Variants in FRMPD2 observed in about 807,000 individuals in gnomAD.
FRMPD2 encodes the protein FERM and PDZ domain-containing protein 2.
Under a neutral mutation model 140.1 loss-of-function variants are expected in FRMPD2, and 96 were observed. The ratio of observed to expected loss-of-function variants is 0.69; its 90% CI spans 0.58 to 0.81. The LOEUF is 0.81. Ranked by LOEUF, FRMPD2 falls within the 40% of genes least tolerant of loss-of-function variation. FRMPD2 has a pLI of 0.00. For synonymous variants in FRMPD2, 449 were observed against 547.6 expected (o/e 0.82, Z 2.52); for missense variants, 1,240 against 1,447.4 (o/e 0.86, Z 2.32).
In FRMPD2 at chr10:48,185,658, T is replaced by C; in HGVS notation, c.2267-13A>G. The C allele has an allele frequency of 6.3e-7, 1 of 1,599,240 alleles. No individual in the cohort carries two copies. Among genetic ancestry groups the C allele is most frequent in the African/African-American group, 1.3e-5 (1 of 74,768 alleles). On this transcript the variant is annotated splice_polypyrimidine_tract_variant and intron_variant, in intron 17 of 28. Coordinates refer to ENST00000374201, the MANE Select transcript of FRMPD2 (RefSeq NM_001018071.4). The stretch of plus-strand genomic sequence containing the variant: ...TTATTCTTTGAGCCTAGAGGTAGAA[T>C]CAGAGCACCACATTGTGCTTTTCCC...
intron 16 of FRMPD2, among the ~76,000 whole-genome samples, chr10:48,188,633 G>T (rs147524308): frequency 6.6e-6 from 1 of 152,234 alleles, no homozygotes; most frequent in African/African-American, 2.4e-5. Context: ...CCAGGGAGAG[G>T]CTGCGACAGG....
chr10:48,242,854 C>A (rs575262175), intron 4 of FRMPD2, among the ~76,000 whole-genome samples: 3 of 152,194 alleles, frequency 2.0e-5, no homozygotes, highest in Non-Finnish European at 4.4e-5. Context: ...AATGCTCAAT[C>A]GTTGTTGGTT....
chr10:48,251,976 C>T (rs1840393307), intron 1 of FRMPD2, among the ~76,000 whole-genome samples: 1 of 152,182 alleles, frequency 6.6e-6, no homozygotes, highest in African/African-American at 2.4e-5. Flanking sequence ...AATAAATGAA[C>T]AACCAAATGA....
chr10:48,184,755 G>A lies in FRMPD2; in HGVS notation c.2467+19C>T. 2 of 1,599,146 alleles carry A rather than the reference G, an allele frequency of 1.3e-6. No homozygotes were observed. Reference sequence around the variant, plus strand: ...GTGGTTTCTTAAAACAGCATCTCTAGTAATTTAAAAAGATGTACCTGGTTT... The same window carrying A: ...GTGGTTTCTTAAAACAGCATCTCTAATAATTTAAAAAGATGTACCTGGTTT... On this transcript the variant is annotated intron_variant, in intron 19 of 28. Transcript: ENST00000374201.
At position 48,201,314 on chromosome 10, in the gene FRMPD2, G is replaced by C. The variant is rs1311249953; in HGVS notation, c.1868C>G (p.Thr623Ser). 2.5e-6 allele frequency: 4 copies of C among 1,613,786 alleles called. No individual in the cohort carries two copies. In the Admixed American group the frequency reaches 6.7e-5, roughly 27 times the overall value. ...GCAGAGGTCCAGTAAGTATTTACTG[G>C]TCTTGGCTGAATCTGTGACAAATGT... The part of the protein sequence containing the change: ...KHTFVTDSAK[T>S]SKYLLDLCSA... Residue 623 changes from threonine (T) to serine (S), a missense_variant, in exon 15 of 29, where the codon ACC becomes AGC. This residue lies in a region of FRMPD2 where 1,161 missense variants were observed against 1,055.9 expected (regional missense o/e 1.10). Coordinates refer to ENST00000374201, the MANE Select transcript of FRMPD2 (RefSeq NM_001018071.4).
chr10:48,253,214 GA>G (rs1448332098), intron 1 of FRMPD2, among the ~76,000 whole-genome samples: 9 of 152,154 alleles, frequency 5.9e-5, no homozygotes, highest in Admixed American at 5.9e-4. Context: ...ATGGAGGGAG[GA>G]CAAACTTTTC....
At chr10:48,273,711 C>CCT (rs1840807382) in intron 1 of FRMPD2, among the ~76,000 whole-genome samples, 1 of 152,144 alleles carries the variant, frequency 6.6e-6, no homozygotes, top group Non-Finnish European at 1.5e-5. Context: ...CCTGGAAGAT[C>CCT]CTCTGGGCTG....
intron 15 of FRMPD2, among the ~76,000 whole-genome samples, chr10:48,200,282 T>C (rs1256204052): frequency 6.6e-6 from 1 of 152,124 alleles, no homozygotes; most frequent in African/African-American, 2.4e-5. Flanking sequence ...TGTTTAACAT[T>C]GGGACTTGCA....
chr10:48,242,181 C>G lies in FRMPD2; in HGVS notation c.547G>C (p.Val183Leu). Residue 183 changes from valine to leucine, a missense_variant, in exon 5 of 29, where the codon GTT (valine) becomes CTT (leucine). By Grantham distance (32) the Val-to-Leu change is conservative (BLOSUM62 1). Coordinates refer to ENST00000374201, the MANE Select transcript of FRMPD2 (RefSeq NM_001018071.4). Reference protein sequence around the residue: ...GLHIRRLVGLVLGTISEVEKR... With the variant: ...GLHIRRLVGLLLGTISEVEKR... ...CTGACCTCAGAAATGGTACCCAGAA[C>G]CAAGCCAACCAGCCTTCTGATGTGG... 12 of 1,613,250 alleles carry G rather than the reference C, an allele frequency of 7.4e-6. No homozygotes were observed. Among genetic ancestry groups the G allele is most frequent in the Non-Finnish European group, 1.0e-5 (12 of 1,179,474 alleles).
intron 10 of FRMPD2, among the ~76,000 whole-genome samples, chr10:48,223,589 C>G (rs1013592945): frequency 1.3e-5 from 2 of 152,132 alleles, no homozygotes; most frequent in African/African-American, 4.8e-5. Flanking sequence ...AAATGGAAAA[C>G]CAAGGAAAGG....
At chr10:48,253,690 C>T (rs926782796) in intron 1 of FRMPD2, among the ~76,000 whole-genome samples, 4 of 152,004 alleles carry the variant, frequency 2.6e-5, no homozygotes, top group Admixed American at 1.3e-4. Context: ...CCCTTCCCTC[C>T]GAGAAATCCT....
At position 48,249,973 on chromosome 10, in the gene FRMPD2, G is replaced by A. The variant is rs1588854567; in HGVS notation, c.152-795C>T. 3.3e-5 allele frequency among the ~76,000 whole-genome samples: 5 copies of A among 152,316 alleles called. No homozygotes were observed. In the South Asian group the frequency reaches 1.0e-3, roughly 32 times the overall value. ...CACAGTTTCTGGAGTTAGTGCAAGT[G>A]TGAGGCCACCTGGAGGTTGGGCTCT... On this transcript the variant is annotated intron_variant, in intron 2 of 28. Transcript: ENST00000374201.
chr10:48,222,126 G>GTGGATGGATGGATGGA (rs148237970), intron 12 of FRMPD2, among the ~76,000 whole-genome samples, 187 bp downstream of exon 12: 7 of 144,126 alleles, frequency 4.9e-5, no homozygotes, highest in Admixed American at 2.7e-4. Flanking sequence ...CAATGAATAG[G>GTGGATGGATGGATGGA]TGGATGGATG....
intron 16 of FRMPD2, among the ~76,000 whole-genome samples, chr10:48,188,425 C>T (rs1047772582): frequency 6.6e-6 from 1 of 152,206 alleles, no homozygotes; most frequent in African/African-American, 2.4e-5. Flanking sequence ...AGGCCTCACT[C>T]TGACTTGGCT....
In FRMPD2 at chr10:48,156,660, G is replaced by A. The variant is rs1308117120; in HGVS notation, c.*662C>T. ...ATAGAAGCAGCTGGAGCACCTTACC[G>A]AGCTCAGGAGACCGGGGGGATGGGG... On this transcript the variant is annotated 3_prime_UTR_variant, in exon 29 of 29. Coordinates refer to ENST00000374201, the MANE Select transcript of FRMPD2 (RefSeq NM_001018071.4). The A allele has an allele frequency of 4.7e-5, 8 of 169,996 alleles. No individual in the cohort carries two copies. The highest frequency in any genetic ancestry group is 1.5e-4 in the African/African-American group (6 of 40,030). 10.5% of individuals were successfully genotyped at this position (169,996 alleles called of 1,614,324 possible). A position where few individuals can be genotyped will look rare whatever the true frequency, so the allele number is the denominator to read the frequency against.
At chr10:48,238,608 G>A (rs912760928) in intron 7 of FRMPD2, among the ~76,000 whole-genome samples, 1 of 152,218 alleles carries the variant, frequency 6.6e-6, no homozygotes, top group African/African-American at 2.4e-5. Context: ...TATCCAATCA[G>A]GGCGTCAGCT....
In FRMPD2 at chr10:48,251,686, T is replaced by A; in HGVS notation, c.31A>T (p.Ser11Cys). MQPLTKDAGMSLSSVTLASAL... is the reference protein window; with the variant it reads MQPLTKDAGMCLSSVTLASAL... ...CTGGCCAGCGTCACAGAGGACAGGC[T>A]CATGCCTACAATAAAGACATGCATG... Residue 11 changes from serine (S) to cysteine (C), a missense_variant, in exon 2 of 29, where the codon AGC becomes TGC. Physicochemically the swap from Ser to Cys is moderately radical, Grantham distance 112. Transcript: ENST00000374201. 6 of 1,614,154 alleles carry A rather than the reference T, an allele frequency of 3.7e-6. No homozygotes were observed. The highest frequency in any genetic ancestry group is 5.1e-6 in the Non-Finnish European group (6 of 1,179,992).
chr10:48,224,734 G>A (rs970527146), intron 10 of FRMPD2, among the ~76,000 whole-genome samples: 1 of 152,198 alleles, frequency 6.6e-6, no homozygotes, highest in Admixed American at 6.5e-5. Flanking sequence ...TTGTCCATGT[G>A]GGAGGGGCTC....
chr10:48,227,613 CAT>C (rs1398225577), intron 10 of FRMPD2, among the ~76,000 whole-genome samples: 9 of 152,282 alleles, frequency 5.9e-5, no homozygotes, highest in Non-Finnish European at 1.0e-4. Context: ...ATGGTTAAGA[CAT>C]AAAAGGCTTA....
Sources: gnomAD v4.1 joint callset for allele counts (sites outside exome capture counted in the v4.1 genomes callset) on GRCh38, gnomAD v4.1.1 for gene constraint, gnomAD v4.1.1 regional missense constraint, MANE v1.5 for transcripts, NCBI Gene and HGNC (gene_info 2026-07-23, HGNC 2026-07-21) for gene names.